Variants in LARGE1 observed in about 807,000 individuals in gnomAD.
LARGE1 encodes the protein LARGE xylosyl- and glucuronyltransferase 1.
Under a neutral mutation model 87.6 loss-of-function variants are expected in LARGE1, and 43 were observed. That is an observed-to-expected ratio of 0.49 (90% CI 0.38 to 0.63). The LOEUF is 0.63. LARGE1 is among the 30% of genes least tolerant of loss of function. LARGE1 has a pLI of 0.00. For missense variants in LARGE1, 802 were observed against 1,000.2 expected, an observed-to-expected ratio of 0.80 and a Z score of 2.67; for synonymous variants, 434 against 394.6, an observed-to-expected ratio of 1.10 and a Z score of -1.18.
intron 2 of LARGE1, chr22:33,725,599 T>C (rs1217153544): frequency 6.6e-6 from 1 of 152,182 alleles, no homozygotes; most frequent in African/African-American, 2.4e-5. Context: ...AATTGTCCTT[T>C]TGCTAAATTT....
At chr22:33,159,583 ATTTT>A (rs768251168), downstream of LARGE1, among the ~76,000 whole-genome samples, 1 of 143,520 alleles carries the variant, frequency 7.0e-6, no homozygotes. Context: ...ATCAATTTAA[ATTTT>A]TTTTTTTTTT....
At chr22:33,228,331 T>C (rs1040287613) in intron 11 of LARGE1, among the ~76,000 whole-genome samples, 2 of 152,240 alleles carry the variant, frequency 1.3e-5, no homozygotes, top group Non-Finnish European at 1.5e-5. Context: ...AAAACGGAAG[T>C]GCATCCTTAC....
chr22:33,833,844 C>A (rs972572338), intron 1 of LARGE1, among the ~76,000 whole-genome samples: 1 of 152,040 alleles, frequency 6.6e-6, no homozygotes, highest in Non-Finnish European at 1.5e-5. Flanking sequence ...TGCGCCACCA[C>A]GCCTGGCTAA....
intron 1 of LARGE1, among the ~76,000 whole-genome samples, chr22:33,832,294 C>T (rs1196927457): frequency 6.6e-6 from 1 of 152,132 alleles, no homozygotes; most frequent in Non-Finnish European, 1.5e-5. Context: ...CCATTCTCAT[C>T]GGTGAAAAGT....
Position 33,717,971 on chromosome 22 carries a change from G to A in LARGE1, c.106+43400C>T, listed in dbSNP as rs1330548271. On this transcript the variant is annotated intron_variant, in intron 2 of 14. Transcript: ENST00000397394. ...ACTCTGTTTTCATTCCTCCCATCTC[G>A]GCTCTAAAAGTTCCCTTTCTAATCT... is the stretch of plus-strand genomic sequence containing the variant. 4.6e-5 allele frequency among the ~76,000 whole-genome samples: 7 copies of A among 152,042 alleles called. No individual in the cohort carries two copies. The East Asian group carries it at 5.8e-4, about 13-fold the overall frequency.
chr22:33,330,929 A>G (rs115910949), intron 10 of LARGE1, among the ~76,000 whole-genome samples: 1,923 of 152,234 alleles, frequency 0.013, 48 homozygotes, highest in African/African-American at 0.043. Context: ...GATACTGGGG[A>G]TTGTTTGACT....
intron 11 of LARGE1, among the ~76,000 whole-genome samples, chr22:33,196,476 T>A (rs1025554993): frequency 6.6e-6 from 1 of 152,104 alleles, no homozygotes; most frequent in African/African-American, 2.4e-5. Flanking sequence ...AACAAACATA[T>A]GTCTATTAAA....
At chr22:33,894,600 G>A (rs1807354847) in intron 1 of LARGE1, among the ~76,000 whole-genome samples, 1 of 152,148 alleles carries the variant, frequency 6.6e-6, no homozygotes, top group African/African-American at 2.4e-5. Flanking sequence ...TGGGACATGG[G>A]AGCTGGCAGA....
At chr22:33,710,398 G>A (rs12158758) in intron 2 of LARGE1, among the ~76,000 whole-genome samples, 26,488 of 152,136 alleles carry the variant, frequency 0.17, 2,538 homozygotes, top group African/African-American at 0.23. Flanking sequence ...ATGGTCTAAT[G>A]CATGATCATG....
At chr22:33,734,575 G>C (rs2083589515) in intron 2 of LARGE1, among the ~76,000 whole-genome samples, 1 of 152,168 alleles carries the variant, frequency 6.6e-6, no homozygotes, top group Admixed American at 6.5e-5. Flanking sequence ...TCATCTGCGG[G>C]AGGGCTTTTT....
chr22:33,072,780 C>A, the LARGE1 span, among the ~76,000 whole-genome samples: 6 of 152,176 alleles, frequency 3.9e-5, no homozygotes, highest in African/African-American at 1.4e-4. Context: ...TAAATCCAAA[C>A]TCAGTGTCAC....
At chr22:33,709,621 T>C (rs956114327) in intron 2 of LARGE1, among the ~76,000 whole-genome samples, 11 of 150,260 alleles carry the variant, frequency 7.3e-5, no homozygotes, top group African/African-American at 2.5e-4. Flanking sequence ...ATTTTAATTC[T>C]TTAATTCTTT....
chr22:33,707,608 G>T, intron 2 of LARGE1, among the ~76,000 whole-genome samples: 1 of 152,210 alleles, frequency 6.6e-6, no homozygotes, highest in East Asian at 1.9e-4. Flanking sequence ...GGAATCAAGG[G>T]AACTTTCTAA....
At chr22:33,132,610 T>C in the LARGE1 span, among the ~76,000 whole-genome samples, 3 of 151,566 alleles carry the variant, frequency 2.0e-5, no homozygotes. Flanking sequence ...ATCAGCCTAA[T>C]AACTCCTCAT....
At chr22:33,577,185 A>C (rs963042792) in intron 5 of LARGE1, among the ~76,000 whole-genome samples, 4 of 152,260 alleles carry the variant, frequency 2.6e-5, no homozygotes, top group Non-Finnish European at 5.9e-5. Context: ...ATCAAAAAAA[A>C]ATAAGATATT....
the LARGE1 span, among the ~76,000 whole-genome samples, chr22:33,073,467 A>G: frequency 6.6e-6 from 1 of 152,264 alleles, no homozygotes; most frequent in East Asian, 1.9e-4. Flanking sequence ...TTGAAGACCA[A>G]TACATGGAAT....
the LARGE1 span, among the ~76,000 whole-genome samples, chr22:33,078,679 T>C: frequency 1.3e-5 from 2 of 152,162 alleles, no homozygotes; most frequent in Non-Finnish European, 2.9e-5. Flanking sequence ...TTCAACAACA[T>C]TGAATTAGCC....
intron 3 of LARGE1, among the ~76,000 whole-genome samples, chr22:33,627,320 C>T (rs2079952994): frequency 6.6e-6 from 1 of 152,192 alleles, no homozygotes; most frequent in African/African-American, 2.4e-5. Flanking sequence ...ACATCATTAT[C>T]CAGCCTCGGG....
At chr22:33,477,774 T>C (rs941079361) in intron 6 of LARGE1, among the ~76,000 whole-genome samples, 1 of 152,214 alleles carries the variant, frequency 6.6e-6, no homozygotes, top group Non-Finnish European at 1.5e-5. Flanking sequence ...TTAAGGCCTT[T>C]GGTCACCATC....
Sources: allele counts gnomAD v4.1 joint callset (sites outside exome capture counted in the v4.1 genomes callset), GRCh38; gene constraint gnomAD v4.1.1; transcripts MANE v1.5; gene names NCBI Gene and HGNC (gene_info 2026-07-23, HGNC 2026-07-21).